The following ACVR2B variants were observed in gnomAD, a reference collection of about 807,000 sequenced individuals.
ACVR2B encodes the protein activin A receptor type 2B.
Under a neutral mutation model 65.1 loss-of-function variants are expected in ACVR2B, and 18 were observed. The ratio of observed to expected loss-of-function variants is 0.28; its 90% CI spans 0.19 to 0.41. The LOEUF is 0.41. ACVR2B is among the 10% of genes least tolerant of loss of function. ACVR2B has a pLI of 1.00. For missense variants in ACVR2B, 482 were observed against 682.7 expected (o/e 0.71, Z 3.28); for synonymous variants, 298 against 277.7 (o/e 1.07, Z -0.73).
At chr3:38,467,201 A>G (rs1320942374) in intron 1 of ACVR2B, among the ~76,000 whole-genome samples, 1 of 152,192 alleles carries the variant, frequency 6.6e-6, no homozygotes, top group African/African-American at 2.4e-5. Flanking sequence ...TAATCCAAAC[A>G]CTTCGGGAGG....
Position 38,481,077 on chromosome 3 carries a change from G to A in ACVR2B, c.960-274G>A, listed in dbSNP as rs1458314750. Among the ~76,000 whole-genome samples, 1 of 152,230 alleles carries A rather than the reference G, an allele frequency of 6.6e-6. No homozygotes were observed. The highest frequency in any genetic ancestry group is 1.5e-5 in the Non-Finnish European group (1 of 68,040). ...AATATATGGGCTGGCCTTTGATAGTGTGGGGACTGGGACAGGGTCTGCCCA... is the reference window on the plus strand; with the variant it reads ...AATATATGGGCTGGCCTTTGATAGTATGGGGACTGGGACAGGGTCTGCCCA... On this transcript the variant is annotated intron_variant, in intron 7 of 10. Coordinates refer to ENST00000352511, the MANE Select transcript of ACVR2B (RefSeq NM_001106.4). The surrounding 1 kb of genome is among the most constrained non-coding windows in gnomAD (Gnocchi z 4.7).
At chr3:38,478,050 G>T (rs1255837904) in intron 3 of ACVR2B, 80 bp downstream of exon 3, 1 of 1,595,598 alleles carries the variant, frequency 6.3e-7, no homozygotes, top group South Asian at 1.1e-5. Flanking sequence ...CTCCTCAGTT[G>T]GGTGGGGTGT....
rs1253638184 is a variant in ACVR2B, at chr3:38,481,749, T to C, written c.1074+284T>C. 4.6e-5 allele frequency among the ~76,000 whole-genome samples: 7 copies of C among 152,220 alleles called. No homozygotes were observed. The highest frequency in any genetic ancestry group is 4.6e-4 in the Admixed American group (7 of 15,294). ...TAGTCTTTCTCTCACTTTTTTAGTT[T>C]TAATTCCTAAGACAAAACAAAGAAA... On this transcript the variant is annotated intron_variant, in intron 8 of 10. Transcript: ENST00000352511. This position sits in a 1 kb window ranked among gnomAD's most constrained non-coding sequence, Gnocchi z 4.7.
At chr3:38,456,524 G>C (rs1043028384) in intron 1 of ACVR2B, among the ~76,000 whole-genome samples, 2 of 152,200 alleles carry the variant, frequency 1.3e-5, no homozygotes, top group African/African-American at 4.8e-5. Flanking sequence ...CTTAGCTGGG[G>C]CTGCCATAAC....
At chr3:38,458,349 A>G (rs1425429670) in intron 1 of ACVR2B, among the ~76,000 whole-genome samples, 3 of 152,198 alleles carry the variant, frequency 2.0e-5, no homozygotes, top group African/African-American at 4.8e-5. Context: ...GTAAATCGGT[A>G]TATGTGTGCA....
intron 5 of ACVR2B, among the ~76,000 whole-genome samples, chr3:38,478,723 G>A (rs1334588049): frequency 1.3e-5 from 2 of 152,156 alleles, no homozygotes; most frequent in East Asian, 3.9e-4. Flanking sequence ...GACTAGGGTA[G>A]GGCTTTGCAA....
At chr3:38,463,763 G>T (rs879714883) in intron 1 of ACVR2B, among the ~76,000 whole-genome samples, 5 of 152,150 alleles carry the variant, frequency 3.3e-5, no homozygotes, top group African/African-American at 7.2e-5. Context: ...GTCTTAGTCT[G>T]CTCAGGTTGC....
In ACVR2B at chr3:38,478,398, C is replaced by A; in HGVS notation, c.546C>A (p.Ser182=). ...IHEDPGPPPP[S]PLVGLKPLQL... ...AGGACCCTGGGCCTCCACCACCATC[C>A]CCTCTGGTGGGCCTGAAGCCACTGC... is the stretch of plus-strand genomic sequence containing the variant. The change falls in exon 5 of 11, where the codon TCC becomes TCA. Residue 182 remains serine (S), a synonymous_variant. Coordinates refer to ENST00000352511, the MANE Select transcript of ACVR2B (RefSeq NM_001106.4). 1 of 1,614,132 alleles carries A rather than the reference C, an allele frequency of 6.2e-7. No homozygotes were observed.
At position 38,479,767 on chromosome 3, in the gene ACVR2B, C is replaced by A; in HGVS notation, c.900C>A (p.Tyr300Ter). 1 of 1,614,262 alleles carries A rather than the reference C, an allele frequency of 6.2e-7. No individual in the cohort carries two copies. Among genetic ancestry groups the A allele is most frequent in the Non-Finnish European group, 8.5e-7 (1 of 1,180,052 alleles). ...AGACGATGTCACGAGGCCTCTCATA[C>A]CTGCATGAGGATGTGCCCTGGTGCC... Reference protein sequence around the residue: ...VAETMSRGLSYLHEDVPWCRG... With the variant: ...VAETMSRGLS Residue 300 changes from tyrosine (Y) to a stop codon, truncating the protein, a stop_gained, in exon 7 of 11, where the codon TAC (tyrosine) becomes TAA (stop). Transcript: ENST00000352511. LOFTEE classifies it high-confidence loss of function.
chr3:38,479,837 C>G lies in ACVR2B; in HGVS notation c.959+11C>G, dbSNP rs764052120. The G allele has an allele frequency of 6.2e-7, 1 of 1,613,532 alleles. No individual in the cohort carries two copies. Among genetic ancestry groups the G allele is most frequent in the Non-Finnish European group, 8.5e-7 (1 of 1,179,826 alleles). ...GTCTATTGCCCACAGGTACCTGGGTCAGCAGGTGCCTTTCCTGCACTTGAC... is the reference window on the plus strand; with the variant it reads ...GTCTATTGCCCACAGGTACCTGGGTGAGCAGGTGCCTTTCCTGCACTTGAC... On this transcript the variant is annotated intron_variant, in intron 7 of 10. Transcript: ENST00000352511.
Position 38,477,303 on chromosome 3 carries a change from G to A in ACVR2B, c.69G>A (p.Glu23=). 1 of 1,614,122 alleles carries A rather than the reference G, an allele frequency of 6.2e-7. No individual in the cohort carries two copies. Among genetic ancestry groups the A allele is most frequent in the Non-Finnish European group, 8.5e-7 (1 of 1,179,972 alleles). Residue 23 remains glutamate (E), a synonymous_variant, in exon 2 of 11, where the codon GAG becomes GAA. Coordinates refer to ENST00000352511, the MANE Select transcript of ACVR2B (RefSeq NM_001106.4). The surrounding 1 kb of genome is among the most constrained non-coding windows in gnomAD (Gnocchi z 6.7). ...GSLCAGSGRG[E]AETRECIYYN... ...GGGGCACAGGCTCTGGGCGTGGGGAGGCTGAGACACGGGAGTGCATCTACT... is the reference window on the plus strand; with the variant it reads ...GGGGCACAGGCTCTGGGCGTGGGGAAGCTGAGACACGGGAGTGCATCTACT...
intron 5 of ACVR2B, among the ~76,000 whole-genome samples, chr3:38,478,820 C>T (rs1424104405): frequency 6.6e-6 from 1 of 152,138 alleles, no homozygotes; most frequent in African/African-American, 2.4e-5. Context: ...GGCTCTGCCT[C>T]ATTTGTTGGG....
intron 1 of ACVR2B, among the ~76,000 whole-genome samples, chr3:38,466,701 C>T (rs1410702605): frequency 6.6e-6 from 1 of 152,094 alleles, no homozygotes; most frequent in African/African-American, 2.4e-5. Flanking sequence ...GACAGAGTTT[C>T]ACCATGTTGG....
Position 38,484,477 on chromosome 3 carries a change from A to T in ACVR2B, c.*1145A>T, listed in dbSNP as rs1393279370. The T allele has an allele frequency of 6.6e-6, 1 of 152,234 alleles. No homozygotes were observed. The highest frequency in any genetic ancestry group is 1.5e-5 in the Non-Finnish European group (1 of 68,048). 9.4% of individuals were successfully genotyped at this position (152,234 alleles called of 1,614,324 possible). The stretch of plus-strand genomic sequence containing the variant: ...AGTCCTGCACCTCTGGTTCCGCCCC[A>T]GGTGGTGACATTACTGTCCCCGTTC... On this transcript the variant is annotated 3_prime_UTR_variant, in exon 11 of 11. Coordinates refer to ENST00000352511, the MANE Select transcript of ACVR2B (RefSeq NM_001106.4).
rs1426928000 is a variant in ACVR2B, at chr3:38,486,010, T to C, written c.*2678T>C. On this transcript the variant is annotated 3_prime_UTR_variant, in exon 11 of 11. Transcript: ENST00000352511. ...TTAGTTCCTCTGGGTGGTTTTTCTT[T>C]TGTGTGCTGGCTTGATTCTTGTGAG... 3.3e-5 allele frequency: 5 copies of C among 152,648 alleles called. No individual in the cohort carries two copies. The highest frequency in any genetic ancestry group is 6.5e-5 in the Admixed American group (1 of 15,274). The allele number at this position is 152,648 out of a possible 1,614,324, so 9.5% of individuals were successfully genotyped here.
At chr3:38,474,399 G>A (rs957341480) in intron 1 of ACVR2B, 4 of 152,446 alleles carry the variant, frequency 2.6e-5, no homozygotes, top group African/African-American at 4.8e-5. Context: ...AGGACCTAGG[G>A]CTTGGGCTGC....
In ACVR2B at chr3:38,454,129, G is replaced by A; in HGVS notation, c.-194G>A. Reference sequence around the variant, plus strand: ...AGCCTGCGCCGCCCGCAGCGGCCCTGAGCCCGGCCCCGCCGACCGGCCCTT... The same window carrying A: ...AGCCTGCGCCGCCCGCAGCGGCCCTAAGCCCGGCCCCGCCGACCGGCCCTT... On this transcript the variant is annotated 5_prime_UTR_variant, in exon 1 of 11. The change abolishes the stop of an existing upstream ORF in the 5' untranslated region. Coordinates refer to ENST00000352511, the MANE Select transcript of ACVR2B (RefSeq NM_001106.4). The A allele has an allele frequency of 4.3e-6, 1 of 234,364 alleles. No individual in the cohort carries two copies. Among genetic ancestry groups the A allele is most frequent in the Non-Finnish European group, 7.3e-6 (1 of 137,506 alleles). The allele number at this position is 234,364 out of a possible 1,614,324, so 14.5% of individuals were successfully genotyped here. A position where few individuals can be genotyped will look rare whatever the true frequency, so the allele number is the denominator to read the frequency against.
chr3:38,462,638 A>G (rs1709668070), intron 1 of ACVR2B, among the ~76,000 whole-genome samples: 1 of 152,214 alleles, frequency 6.6e-6, no homozygotes, highest in Non-Finnish European at 1.5e-5. Context: ...TGCTTTGGCA[A>G]ACTTTCTGAT....
intron 1 of ACVR2B, among the ~76,000 whole-genome samples, chr3:38,458,285 C>T (rs1202716371): frequency 6.6e-6 from 1 of 152,214 alleles, no homozygotes; most frequent in Non-Finnish European, 1.5e-5. Flanking sequence ...TCCTCCATGT[C>T]ATAGACCCCT....
Sources: gnomAD v4.1 joint callset for allele counts (sites outside exome capture counted in the v4.1 genomes callset) on GRCh38, gnomAD v4.1.1 for gene constraint, Gnocchi (gnomAD v3.1) non-coding constraint, MANE v1.5 for transcripts, NCBI Gene and HGNC (gene_info 2026-07-23, HGNC 2026-07-21) for gene names.